BRIP1: variants seen among roughly 807,000 people sequenced by gnomAD.
BRIP1 encodes Fanconi anemia group J protein.
A neutral mutation model predicts 119.7 loss-of-function variants in BRIP1; 88 were observed. The observed-to-expected ratio is 0.74, with a 90% CI of 0.62 to 0.88. The LOEUF (loss-of-function observed/expected upper bound fraction) is 0.88, where lower values mean the gene tolerates loss of function less well. Ranked by LOEUF, BRIP1 falls within the 40% of genes least tolerant of loss-of-function variation. The pLI, the probability that BRIP1 is intolerant of heterozygous loss-of-function variation, is 0.00. For synonymous variants in BRIP1, 443 were observed against 496.5 expected (o/e 0.89, Z 1.43); for missense variants, 1,259 against 1,455.4 (o/e 0.87, Z 2.20).
chr17:61,693,198 T>G lies in BRIP1; in HGVS notation c.2575+232A>C, dbSNP rs537962034. 6.6e-6 allele frequency among the ~76,000 whole-genome samples: 1 copy of G among 152,234 alleles called. No individual in the cohort carries two copies. The highest frequency in any genetic ancestry group is 2.4e-5 in the African/African-American group (1 of 41,554). ...GAAGCAGAAAGTATAGCGGTGGTTG[T>G]CAGTGGACAGGGGGGAGAGGGACAT... On this transcript the variant is annotated intron_variant, in intron 18 of 19. Transcript: ENST00000259008. This position sits in a 1 kb window ranked among gnomAD's most constrained non-coding sequence, Gnocchi z 4.2.
chr17:61,686,707 C>A lies in BRIP1; in HGVS notation c.2576-542G>T, dbSNP rs1306031463. ...CACTGTCTTATGGGTAAATCACATC[C>A]CTTCTGAATTTTTATGATATAATTA... On this transcript the variant is annotated intron_variant, in intron 18 of 19. Coordinates refer to ENST00000259008, the MANE Select transcript of BRIP1 (RefSeq NM_032043.3). The surrounding 1 kb of genome is among the most constrained non-coding windows in gnomAD (Gnocchi z 5.4). Among the ~76,000 whole-genome samples the A allele has an allele frequency of 2.0e-5, 3 of 151,786 alleles. No individual in the cohort carries two copies. Among genetic ancestry groups the A allele is most frequent in the Non-Finnish European group, 4.4e-5 (3 of 67,938 alleles).
rs779797609 is a variant in BRIP1 at position 61,803,362 on chromosome 17, G to A, written c.919-1888C>T. ...GCCTCCCAAAGTGCTGGGGATTACA[G>A]GCATGAGCCACTGCACTCCACCCCA... On this transcript the variant is annotated intron_variant, in intron 7 of 19. Transcript: ENST00000259008. The surrounding 1 kb of genome is among the most constrained non-coding windows in gnomAD (Gnocchi z 4.3). 9.2e-5 allele frequency among the ~76,000 whole-genome samples: 14 copies of A among 152,208 alleles called. No homozygotes were observed. Among genetic ancestry groups the A allele is most frequent in the Middle Eastern group, 3.4e-3 (1 of 294 alleles).
In BRIP1 at chr17:61,740,787, G is replaced by A. The variant is rs978646357; in HGVS notation, c.2379+2226C>T. On this transcript the variant is annotated intron_variant, in intron 16 of 19. Transcript: ENST00000259008. This position sits in a 1 kb window ranked among gnomAD's most constrained non-coding sequence, Gnocchi z 5.4. ...TATTTTATTGCTAAAAAAGGTGAAT[G>A]ATCATCTGAGCCTTCAGTGAGTCAC... 1.3e-5 allele frequency among the ~76,000 whole-genome samples: 2 copies of A among 152,180 alleles called. No homozygotes were observed. Among genetic ancestry groups the A allele is most frequent in the Non-Finnish European group, 2.9e-5 (2 of 68,026 alleles).
intron 6 of BRIP1, among the ~76,000 whole-genome samples, chr17:61,826,749 A>AC (rs1311995424): frequency 6.7e-6 from 1 of 150,362 alleles, no homozygotes; most frequent in Non-Finnish European, 1.5e-5. Context: ...AAAAAAAAAA[A>AC]AAAAAAAACA....
At chr17:61,812,258 AT>A (rs2078174044) in intron 6 of BRIP1, among the ~76,000 whole-genome samples, 1 of 152,162 alleles carries the variant, frequency 6.6e-6, no homozygotes, top group South Asian at 2.1e-4. Flanking sequence ...TGTATCTCTT[AT>A]TGAGTATTTT....
chr17:61,709,452 G>A lies in BRIP1; in HGVS notation c.2492+6499C>T, dbSNP rs2061740494. ...CATTATTTTTTGATATTATTTTAAAGTAACCTATAGGCTCCAAGGCAACAG... is the reference window on the plus strand; with the variant it reads ...CATTATTTTTTGATATTATTTTAAAATAACCTATAGGCTCCAAGGCAACAG... On this transcript the variant is annotated intron_variant, in intron 17 of 19. Transcript: ENST00000259008. The surrounding 1 kb of genome is among the most constrained non-coding windows in gnomAD (Gnocchi z 5.0). Among the ~76,000 whole-genome samples the A allele has an allele frequency of 6.6e-6, 1 of 152,054 alleles. No individual in the cohort carries two copies. Among genetic ancestry groups the A allele is most frequent in the African/African-American group, 2.4e-5 (1 of 41,418 alleles).
intron 17 of BRIP1, among the ~76,000 whole-genome samples, chr17:61,711,869 A>AT (rs1191057771): frequency 1.4e-4 from 21 of 151,246 alleles, no homozygotes; most frequent in Admixed American, 5.9e-4. Flanking sequence ...CTCTCTCAAA[A>AT]AAAAAATAAT....
chr17:61,780,522 G>C lies in BRIP1; in HGVS notation c.1795-121C>G. 1.1e-6 allele frequency: 1 copy of C among 919,912 alleles called. No homozygotes were observed. Among genetic ancestry groups the C allele is most frequent in the Non-Finnish European group, 1.7e-6 (1 of 573,612 alleles). 57.0% of individuals were successfully genotyped at this position (919,912 alleles called of 1,614,324 possible). A position where few individuals can be genotyped will look rare whatever the true frequency, so the allele number is the denominator to read the frequency against. On this transcript the variant is annotated intron_variant, in intron 12 of 19. Coordinates refer to ENST00000259008, the MANE Select transcript of BRIP1 (RefSeq NM_032043.3). This position sits in a 1 kb window ranked among gnomAD's most constrained non-coding sequence, Gnocchi z 5.4. ...GCAGGAAGATCGCTTGAGTCTAGGAGTCTGAGACCAGCCTGGGCAATATGG... is the reference window on the plus strand; with the variant it reads ...GCAGGAAGATCGCTTGAGTCTAGGACTCTGAGACCAGCCTGGGCAATATGG...
chr17:61,750,692 A>T (rs965884871), intron 14 of BRIP1, among the ~76,000 whole-genome samples: 1 of 114,088 alleles, frequency 8.8e-6, no homozygotes, highest in African/African-American at 3.6e-5. Flanking sequence ...ACTTTAATAG[A>T]CATTTCTTGA....
intron 6 of BRIP1, among the ~76,000 whole-genome samples, chr17:61,818,409 A>C (rs745728072): frequency 3.6e-4 from 55 of 152,324 alleles, no homozygotes; most frequent in Middle Eastern, 6.8e-3. Context: ...AAGATCAATT[A>C]GTTTCACTTT....
rs2145716257 is a variant in BRIP1, at chr17:61,843,644, A to G, written c.627+3457T>C. Among the ~76,000 whole-genome samples, 1 of 151,936 alleles carries G rather than the reference A, an allele frequency of 6.6e-6. No individual in the cohort carries two copies. The highest frequency in any genetic ancestry group is 2.1e-4 in the South Asian group (1 of 4,816). ...GCTCTCTCCTCTGTCCTCTCTTTCCATGTGACAAGTTTGCTCTCTCTTTGT... is the reference window on the plus strand; with the variant it reads ...GCTCTCTCCTCTGTCCTCTCTTTCCGTGTGACAAGTTTGCTCTCTCTTTGT... On this transcript the variant is annotated intron_variant, in intron 6 of 19. Coordinates refer to ENST00000259008, the MANE Select transcript of BRIP1 (RefSeq NM_032043.3). This position sits in a 1 kb window ranked among gnomAD's most constrained non-coding sequence, Gnocchi z 5.7.
chr17:61,787,698 G>A (rs1011513734), intron 10 of BRIP1, among the ~76,000 whole-genome samples: 4 of 151,828 alleles, frequency 2.6e-5, no homozygotes, highest in Non-Finnish European at 5.9e-5. Flanking sequence ...AGGCTGGACT[G>A]CAGTGGCGCG....
rs1567740818 is a variant in BRIP1, at chr17:61,697,005, G to GAAAAA, written c.2493-3494_2493-3493insTTTTT. ...TGTCTCAAAAAAAAAAAAAAAAAAG[G>GAAAAA]GGGGGGGAAGTGTTTTGATGACAAA... On this transcript the variant is annotated intron_variant, in intron 17 of 19. Transcript: ENST00000259008. Among the ~76,000 whole-genome samples the GAAAAA allele has an allele frequency of 4.8e-4, 55 of 114,198 alleles. 1 individual carries two copies. Among genetic ancestry groups the GAAAAA allele is most frequent in the Non-Finnish European group, 5.9e-4 (34 of 57,676 alleles). The allele number at this position is 114,198 out of a possible 152,430, so 74.9% of individuals were successfully genotyped here. A position where few individuals can be genotyped will look rare whatever the true frequency, so the allele number is the denominator to read the frequency against.
At chr17:61,818,870 A>G (rs1451634984) in intron 6 of BRIP1, among the ~76,000 whole-genome samples, 3 of 152,148 alleles carry the variant, frequency 2.0e-5, no homozygotes. Flanking sequence ...CTACAATGAG[A>G]TATAATTTCA....
At chr17:61,820,208 AC>A (rs560581785) in intron 6 of BRIP1, among the ~76,000 whole-genome samples, 47 of 152,192 alleles carry the variant, frequency 3.1e-4, no homozygotes, top group Non-Finnish European at 6.3e-4. Context: ...GTATATAAGA[AC>A]TGAAACCACG....
rs1165447905 is a variant in BRIP1, at chr17:61,798,583, T to G, written c.1340+517A>C. On this transcript the variant is annotated intron_variant, in intron 9 of 19. Coordinates refer to ENST00000259008, the MANE Select transcript of BRIP1 (RefSeq NM_032043.3). This position sits in a 1 kb window ranked among gnomAD's most constrained non-coding sequence, Gnocchi z 5.5. ...TGAAATGGGATTCAGAGTTGGGAAG[T>G]TTTTTTCTATGGTAACAAGATTCTA... is the stretch of plus-strand genomic sequence containing the variant. Among the ~76,000 whole-genome samples the G allele has an allele frequency of 6.6e-6, 1 of 151,956 alleles. No individual in the cohort carries two copies. Among genetic ancestry groups the G allele is most frequent in the African/African-American group, 2.4e-5 (1 of 41,404 alleles).
chr17:61,765,354 A>ATGTGTG (rs146643187), intron 14 of BRIP1, among the ~76,000 whole-genome samples: 1 of 41,574 alleles, frequency 2.4e-5, no homozygotes, highest in Non-Finnish European at 4.4e-5. Context: ...ATACATATGT[A>ATGTGTG]TGTGTGTGTG....
In BRIP1 at chr17:61,761,610, T is replaced by C. The variant is rs148769895; in HGVS notation, c.2097+14791A>G. Among the ~76,000 whole-genome samples the C allele has an allele frequency of 5.3e-5, 8 of 152,032 alleles. No individual in the cohort carries two copies. In the South Asian group the frequency reaches 1.0e-3, roughly 20 times the overall value. The stretch of plus-strand genomic sequence containing the variant: ...ACACAAAAAATCAGTAGCATTTCTA[T>C]ATACTAATAACAGACTATCCAAAAA... On this transcript the variant is annotated intron_variant, in intron 14 of 19. Transcript: ENST00000259008. This position sits in a 1 kb window ranked among gnomAD's most constrained non-coding sequence, Gnocchi z 6.4.
intron 16 of BRIP1, among the ~76,000 whole-genome samples, chr17:61,728,702 A>G (rs2076803315): frequency 1.3e-5 from 2 of 152,222 alleles, no homozygotes; most frequent in African/African-American, 4.8e-5. Flanking sequence ...CACAGAAGAC[A>G]GACAAATCAA....
Sources: gnomAD v4.1 joint callset for allele counts (sites outside exome capture counted in the v4.1 genomes callset) on GRCh38, gnomAD v4.1.1 for gene constraint, Gnocchi (gnomAD v3.1) non-coding constraint, MANE v1.5 for transcripts, NCBI Gene and HGNC (gene_info 2026-07-23, HGNC 2026-07-21) for gene names.